EXOC6B: variants seen among roughly 807,000 people sequenced by gnomAD.
The protein encoded by EXOC6B is exocyst complex component 6B, also known as SEC15 homolog B.
In EXOC6B, 54 loss-of-function variants were observed where a neutral mutation model predicts 113.5. That is an observed-to-expected ratio of 0.48 (90% CI 0.38 to 0.60). The LOEUF is 0.60. EXOC6B is among the 20% of genes least tolerant of loss of function. EXOC6B has a pLI of 0.00. For synonymous variants in EXOC6B, 357 were observed against 339.0 expected (o/e 1.05, Z -0.58); for missense variants, 797 against 977.5 (o/e 0.82, Z 2.46).
chr2:72,382,722 T>C (rs555642115), intron 18 of EXOC6B, among the ~76,000 whole-genome samples: 2 of 152,300 alleles, frequency 1.3e-5, no homozygotes, highest in East Asian at 3.9e-4. Flanking sequence ...GTTTTTATAC[T>C]TCTCATTATA....
chr2:72,539,263 C>T (rs538767936), intron 8 of EXOC6B, among the ~76,000 whole-genome samples: 1 of 152,264 alleles, frequency 6.6e-6, no homozygotes, highest in East Asian at 1.9e-4. Flanking sequence ...CTACTCCCCA[C>T]GATGACAAGA....
intron 6 of EXOC6B, among the ~76,000 whole-genome samples, chr2:72,636,437 G>A (rs1672838360): frequency 6.6e-6 from 1 of 150,460 alleles, no homozygotes; most frequent in Admixed American, 6.6e-5. Context: ...GAGGAGGGAG[G>A]AGGAAGAAGG....
At chr2:72,546,480 CT>C (rs1702909093) in intron 8 of EXOC6B, among the ~76,000 whole-genome samples, 1 of 152,172 alleles carries the variant, frequency 6.6e-6, no homozygotes, top group South Asian at 2.1e-4. Context: ...TGAGTAAATT[CT>C]AGCTCTGCTG....
At chr2:72,459,278 T>C (rs1003605227) in intron 18 of EXOC6B, among the ~76,000 whole-genome samples, 29 of 152,182 alleles carry the variant, frequency 1.9e-4, no homozygotes, top group Admixed American at 3.9e-4. Context: ...GGAAGCATTC[T>C]CTTTGAAAAC....
intron 20 of EXOC6B, among the ~76,000 whole-genome samples, chr2:72,280,252 G>A (rs1414980637): frequency 2.0e-5 from 3 of 151,780 alleles, no homozygotes; most frequent in African/African-American, 7.3e-5. Context: ...TGATGAAGCA[G>A]GCATCACTTA....
At chr2:72,798,403 A>C (rs1685093811) in intron 1 of EXOC6B, among the ~76,000 whole-genome samples, 3 of 152,148 alleles carry the variant, frequency 2.0e-5, no homozygotes, top group Admixed American at 2.0e-4. Flanking sequence ...CTTTTTTTAA[A>C]AGTTAAACTC....
At chr2:72,494,252 A>G (rs1031809310) in intron 15 of EXOC6B, among the ~76,000 whole-genome samples, 2 of 152,132 alleles carry the variant, frequency 1.3e-5, no homozygotes, top group African/African-American at 4.8e-5. Context: ...ATCAACTTGT[A>G]ATGATTTATC....
At chr2:72,291,710 G>C (rs994246555) in intron 20 of EXOC6B, among the ~76,000 whole-genome samples, 3 of 152,132 alleles carry the variant, frequency 2.0e-5, no homozygotes, top group South Asian at 2.1e-4. Context: ...GTCTCTCACT[G>C]AGAAAAGCTG....
intron 20 of EXOC6B, among the ~76,000 whole-genome samples, chr2:72,313,011 G>A (rs936755986): frequency 2.0e-5 from 3 of 151,998 alleles, no homozygotes; most frequent in Non-Finnish European, 1.5e-5. Flanking sequence ...AATTGATGCC[G>A]ATTTCTCAGC....
At chr2:72,533,495 T>TA (rs1702124035) in intron 8 of EXOC6B, among the ~76,000 whole-genome samples, 1 of 152,222 alleles carries the variant, frequency 6.6e-6, no homozygotes, top group Non-Finnish European at 1.5e-5. Context: ...GAGTTTCTCA[T>TA]AAGGCAACAC....
chr2:72,301,583 A>T (rs538647414), intron 20 of EXOC6B, among the ~76,000 whole-genome samples: 1 of 152,244 alleles, frequency 6.6e-6, no homozygotes, highest in South Asian at 2.1e-4. Context: ...GGGAGGGTGT[A>T]TGTGTCCAGG....
intron 5 of EXOC6B, among the ~76,000 whole-genome samples, chr2:72,722,349 C>G (rs1680063718): frequency 2.6e-5 from 4 of 152,042 alleles, no homozygotes; most frequent in Admixed American, 1.3e-4. Flanking sequence ...ACTTATAGCT[C>G]TATTTTGGAC....
chr2:72,651,403 ATTGATATTAATTGAG>A (rs1225214282), intron 6 of EXOC6B, among the ~76,000 whole-genome samples: 1 of 152,224 alleles, frequency 6.6e-6, no homozygotes, highest in Non-Finnish European at 1.5e-5. Flanking sequence ...GCAGAACTGA[ATTGATATTAATTGAG>A]TTGACCTTTG....
chr2:72,380,877 T>C (rs1691638941), intron 18 of EXOC6B, among the ~76,000 whole-genome samples: 1 of 152,220 alleles, frequency 6.6e-6, no homozygotes, highest in Non-Finnish European at 1.5e-5. Context: ...ATTTATAATC[T>C]GTTTCAAAAT....
At chr2:72,270,259 G>C (rs1684402648) in intron 20 of EXOC6B, among the ~76,000 whole-genome samples, 1 of 152,120 alleles carries the variant, frequency 6.6e-6, no homozygotes, top group Admixed American at 6.6e-5. Flanking sequence ...CTGGAAGGTA[G>C]TGGTGGCTGG....
chr2:72,186,559 C>G (rs1026927133), intron 20 of EXOC6B, among the ~76,000 whole-genome samples: 5 of 151,376 alleles, frequency 3.3e-5, no homozygotes, highest in Middle Eastern at 3.4e-3. Context: ...CCCTAGGAAG[C>G]CTTTTACTAT....
intron 1 of EXOC6B, among the ~76,000 whole-genome samples, chr2:72,742,980 C>CTGTT (rs1000655704): frequency 6.6e-6 from 1 of 152,030 alleles, no homozygotes; most frequent in Non-Finnish European, 1.5e-5. Flanking sequence ...ACTCCCATAC[C>CTGTT]TGTTCCTCCT....
chr2:72,712,426 A>G (rs1391267968), intron 6 of EXOC6B, among the ~76,000 whole-genome samples: 3 of 152,150 alleles, frequency 2.0e-5, no homozygotes, highest in Non-Finnish European at 4.4e-5. Flanking sequence ...CATGGTGTCA[A>G]CCATTGCTGT....
At chr2:72,504,028 C>T (rs1038798867) in intron 11 of EXOC6B, among the ~76,000 whole-genome samples, 4 of 152,224 alleles carry the variant, frequency 2.6e-5, no homozygotes, top group East Asian at 3.9e-4. Context: ...CCACTTCACG[C>T]TCTAGAGTAG....
Sources: allele counts gnomAD v4.1 joint callset (sites outside exome capture counted in the v4.1 genomes callset), GRCh38; gene constraint gnomAD v4.1.1; transcripts MANE v1.5; gene names NCBI Gene and HGNC (gene_info 2026-07-23, HGNC 2026-07-21).